SLC9C1: variants seen among roughly 807,000 people sequenced by gnomAD.
The protein encoded by SLC9C1 is solute carrier family 9 member C1, also known as sodium/hydrogen exchanger 10.
A neutral mutation model predicts 140.9 loss-of-function variants in SLC9C1; 97 were observed. That is an observed-to-expected ratio of 0.69 (90% confidence interval 0.58 to 0.82). The LOEUF (loss-of-function observed/expected upper bound fraction) is 0.82. Ranked by LOEUF, SLC9C1 falls within the 40% of genes least tolerant of loss-of-function variation. The probability of loss-of-function intolerance (pLI) is 0.00; values close to 1 mark genes in which losing one functional copy is unlikely to be tolerated. For synonymous variants in SLC9C1, 440 were observed against 442.6 expected (o/e 0.99, Z 0.07); for missense variants, 1,340 against 1,389.3 (o/e 0.96, Z 0.56).
At chr3:112,223,747 AGGTTC>A (rs1211124132) in intron 13 of SLC9C1, among the ~76,000 whole-genome samples, 1 of 152,214 alleles carries the variant, frequency 6.6e-6, no homozygotes, top group Non-Finnish European at 1.5e-5. Flanking sequence ...TACTCCAAAA[AGGTTC>A]AGATTAATTA....
chr3:112,224,896 A>G (rs1312305673), intron 13 of SLC9C1, among the ~76,000 whole-genome samples: 3 of 152,118 alleles, frequency 2.0e-5, no homozygotes, highest in Non-Finnish European at 4.4e-5. Context: ...ATGGGACATC[A>G]TTACACAAAC....
At chr3:112,278,926 C>A in intron 3 of SLC9C1, 69 bp from the exon 4 acceptor site, 1 of 1,472,648 alleles carries the variant, frequency 6.8e-7, no homozygotes, top group Admixed American at 2.4e-5. Flanking sequence ...ATGCTAGGTG[C>A]TCCTAAATCT....
intron 13 of SLC9C1, among the ~76,000 whole-genome samples, chr3:112,226,187 A>G (rs1350885974): frequency 6.6e-6 from 1 of 152,202 alleles, no homozygotes; most frequent in Non-Finnish European, 1.5e-5. Flanking sequence ...AATCATATCA[A>G]GTATCTTTTC....
At chr3:112,222,633 C>T (rs2078573041) in intron 13 of SLC9C1, among the ~76,000 whole-genome samples, 1 of 152,066 alleles carries the variant, frequency 6.6e-6, no homozygotes, top group Non-Finnish European at 1.5e-5. Flanking sequence ...AGATTAAGTC[C>T]TTAGTCACAT....
chr3:112,241,880 A>T (rs942512342), intron 11 of SLC9C1, among the ~76,000 whole-genome samples: 4 of 152,196 alleles, frequency 2.6e-5, no homozygotes, highest in African/African-American at 4.8e-5. Flanking sequence ...TGGTGCTGCG[A>T]TAACTGGCTA....
intron 26 of SLC9C1, 65 bp downstream of exon 26, chr3:112,167,156 A>G: frequency 1.3e-6 from 2 of 1,560,020 alleles, no homozygotes; most frequent in Non-Finnish European, 1.7e-6. Context: ...GTTTCCAAAT[A>G]CACATATGGC....
chr3:112,290,381 T>C (rs1427091989), intron 1 of SLC9C1, among the ~76,000 whole-genome samples: 2 of 152,216 alleles, frequency 1.3e-5, no homozygotes, highest in African/African-American at 4.8e-5. Flanking sequence ...TAAATTTTTT[T>C]TTCAGAAAAT....
chr3:112,236,980 T>A (rs1321101613), intron 12 of SLC9C1, among the ~76,000 whole-genome samples: 1 of 152,218 alleles, frequency 6.6e-6, no homozygotes, highest in Non-Finnish European at 1.5e-5. Context: ...GTCTGTTAGG[T>A]CCGCTTGGTG....
At chr3:112,147,267 G>T (rs896109821) in intron 28 of SLC9C1, among the ~76,000 whole-genome samples, 1 of 152,058 alleles carries the variant, frequency 6.6e-6, no homozygotes, top group Non-Finnish European at 1.5e-5. Context: ...TTTTACGTGG[G>T]GGTGTTTACA....
At chr3:112,167,689 T>C (rs989296779) in intron 25 of SLC9C1, among the ~76,000 whole-genome samples, 17 of 152,196 alleles carry the variant, frequency 1.1e-4, no homozygotes, top group African/African-American at 3.8e-4. Flanking sequence ...ATTCTTTTCA[T>C]TAAACTTTCT....
chr3:112,285,031 G>A (rs1237162232), intron 2 of SLC9C1, among the ~76,000 whole-genome samples: 1 of 115,724 alleles, frequency 8.6e-6, no homozygotes, highest in African/African-American at 3.4e-5. Context: ...CTGTCACCCA[G>A]GCTGGAATGC....
At position 112,278,778 on chromosome 3, in the gene SLC9C1, G is replaced by A. The variant is rs142430077; in HGVS notation, c.269C>T (p.Thr90Ile). 9.4e-5 allele frequency: 152 copies of A among 1,610,822 alleles called. No individual in the cohort carries two copies. The highest frequency in any genetic ancestry group is 2.2e-4 in the Admixed American group (13 of 59,464). ...GTACGTATCCATGTCAAATGCAGTA[G>A]TAAAGAAAACTACTGGTGTAAATAT... ...FRIFTPVVFF[T>I]TAFDMDTYML... Residue 90 changes from threonine (T) to isoleucine (I), a missense_variant, in exon 4 of 29, where the codon ACT becomes ATT. By Grantham distance (89) the Thr-to-Ile change is moderately conservative. Coordinates refer to ENST00000305815, the MANE Select transcript of SLC9C1 (RefSeq NM_183061.3).
intron 26 of SLC9C1, among the ~76,000 whole-genome samples, chr3:112,161,522 T>A (rs1006190236): frequency 6.6e-6 from 1 of 152,218 alleles, no homozygotes; most frequent in Non-Finnish European, 1.5e-5. Context: ...ATTTATTAAA[T>A]AGGGAATCCT....
intron 12 of SLC9C1, among the ~76,000 whole-genome samples, chr3:112,232,795 T>G (rs542189934): frequency 5.9e-5 from 9 of 151,990 alleles, no homozygotes; most frequent in Non-Finnish European, 1.2e-4. Context: ...TGAGTGTTCT[T>G]AAAAGAATGA....
chr3:112,227,644 G>T (rs887257590), intron 13 of SLC9C1, among the ~76,000 whole-genome samples: 5 of 152,004 alleles, frequency 3.3e-5, no homozygotes, highest in African/African-American at 1.2e-4. Context: ...ATGAGGACAA[G>T]TTAAAATCTT....
At chr3:112,206,560 A>G (rs1331789404) in intron 16 of SLC9C1, among the ~76,000 whole-genome samples, 1 of 152,202 alleles carries the variant, frequency 6.6e-6, no homozygotes, top group African/African-American at 2.4e-5. Context: ...CTATTGCGGC[A>G]CCATTCACAA....
At chr3:112,266,405 C>G (rs572066435) in intron 7 of SLC9C1, 65 bp from the exon 8 acceptor site, 32 of 1,274,684 alleles carry the variant, frequency 2.5e-5, no homozygotes, top group Non-Finnish European at 3.4e-5. Flanking sequence ...AAATTTTACC[C>G]GAGTTAAAAG....
chr3:112,162,483 G>T (rs552765131), intron 26 of SLC9C1, among the ~76,000 whole-genome samples: 1 of 152,304 alleles, frequency 6.6e-6, no homozygotes, highest in East Asian at 1.9e-4. Context: ...AGCATGAAGG[G>T]TTGTTGGATT....
At chr3:112,230,171 T>G (rs2078783515) in intron 13 of SLC9C1, among the ~76,000 whole-genome samples, 1 of 152,154 alleles carries the variant, frequency 6.6e-6, no homozygotes, top group African/African-American at 2.4e-5. Flanking sequence ...GGTCTAGATG[T>G]TTCTCTATCC....
Sources: gnomAD v4.1 joint callset for allele counts (sites outside exome capture counted in the v4.1 genomes callset) on GRCh38, gnomAD v4.1.1 for gene constraint, MANE v1.5 for transcripts, NCBI Gene and HGNC (gene_info 2026-07-23, HGNC 2026-07-21) for gene names.